Variants in RUFY3 observed in about 807,000 individuals in gnomAD.
RUFY3 encodes protein RUFY3.
A neutral mutation model predicts 84.0 loss-of-function variants in RUFY3; 34 were observed. The observed-to-expected ratio is 0.40, with a 90% confidence interval of 0.31 to 0.54. The LOEUF (loss-of-function observed/expected upper bound fraction) is 0.54. Ranked by LOEUF, RUFY3 falls within the 20% of genes least tolerant of loss-of-function variation. The pLI is 0.39. For missense variants in RUFY3, 507 were observed against 736.8 expected (o/e 0.69, Z 3.61); for synonymous variants, 242 against 252.9 (o/e 0.96, Z 0.41).
chr4:70,765,666 C>CA (rs1012157916), intron 4 of RUFY3, among the ~76,000 whole-genome samples: 12 of 151,938 alleles, frequency 7.9e-5, no homozygotes, highest in Admixed American at 7.9e-4. Context: ...TATCAAAGAA[C>CA]AAAAATAGCA....
chr4:70,784,312 G>A (rs573276171), intron 9 of RUFY3, among the ~76,000 whole-genome samples: 12 of 152,164 alleles, frequency 7.9e-5, no homozygotes, highest in South Asian at 2.1e-4. Context: ...GTGAAACCCC[G>A]TCTCTACTAA....
intron 14 of RUFY3, among the ~76,000 whole-genome samples, chr4:70,799,144 C>CA (rs547398917): frequency 0.039 from 2,468 of 63,850 alleles, 27 homozygotes; most frequent in African/African-American, 0.049. Context: ...GACTCCGTCT[C>CA]AAAAAAAAAA....
At chr4:70,728,576 A>G (rs1454025935) in intron 1 of RUFY3, among the ~76,000 whole-genome samples, 1 of 152,252 alleles carries the variant, frequency 6.6e-6, no homozygotes, top group African/African-American at 2.4e-5. Flanking sequence ...GTTATTTTGC[A>G]TATACTGCCT....
At chr4:70,726,978 C>A (rs1453017394) in intron 1 of RUFY3, among the ~76,000 whole-genome samples, 1 of 146,884 alleles carries the variant, frequency 6.8e-6, no homozygotes, top group Non-Finnish European at 1.5e-5. Context: ...ATTGAAATAA[C>A]CTCTCAGACT....
chr4:70,755,581 T>G (rs1035399285), intron 1 of RUFY3, among the ~76,000 whole-genome samples: 2 of 152,220 alleles, frequency 1.3e-5, no homozygotes, highest in African/African-American at 4.8e-5. Flanking sequence ...TACATGACTC[T>G]GTAAAGTTTA....
rs1195083299 is a variant in RUFY3 at position 70,787,185 on chromosome 4, A to T, written c.1072-1621A>T. ...CTGTCTCAGAAAAAAAAAAAAAAAA[A>T]AAATATATATATATATATATATATA... On this transcript the variant is annotated intron_variant, in intron 10 of 17. Transcript: ENST00000381006. Among the ~76,000 whole-genome samples the T allele has an allele frequency of 8.0e-3, 942 of 118,484 alleles. 3 individuals are homozygous for T. Among genetic ancestry groups the T allele is most frequent in the East Asian group, 0.049 (181 of 3,728 alleles). 77.7% of individuals were successfully genotyped at this position (118,484 alleles called of 152,430 possible).
At chr4:70,717,585 G>A (rs1409473124), upstream of RUFY3, among the ~76,000 whole-genome samples, 1 of 148,406 alleles carries the variant, frequency 6.7e-6, no homozygotes, top group Non-Finnish European at 1.5e-5. Context: ...CTTTGCGTGT[G>A]TGTGTGTGTG....
At chr4:70,767,249 C>T (rs1578142687) in intron 4 of RUFY3, among the ~76,000 whole-genome samples, 1 of 142,920 alleles carries the variant, frequency 7.0e-6, no homozygotes, top group Non-Finnish European at 1.5e-5. Context: ...CCATGCCCGG[C>T]TAATTTTGTA....
chr4:70,722,044 T>A lies in RUFY3; in HGVS notation c.-530T>A. 8.1e-7 allele frequency: 1 copy of A among 1,232,154 alleles called. No individual in the cohort carries two copies. The allele number at this position is 1,232,154 out of a possible 1,614,324, so 76.3% of individuals were successfully genotyped here. ...TATGAGAACTCAGCATCCCAGCTCA[T>A]CTGAGCAGATCCTGGAAGTGATTTC... On this transcript the variant is annotated 5_prime_UTR_variant, in exon 1 of 18. Coordinates refer to ENST00000381006, the MANE Select transcript of RUFY3 (RefSeq NM_001037442.4).
chr4:70,792,887 T>C, intron 12 of RUFY3: 2 of 985,392 alleles, frequency 2.0e-6, no homozygotes, highest in Non-Finnish European at 2.4e-6. Context: ...TAAACAAAGC[T>C]CCTACTGTAT....
chr4:70,792,014 TG>T, intron 12 of RUFY3: 1 of 985,364 alleles, frequency 1.0e-6, no homozygotes, highest in Non-Finnish European at 1.2e-6. Context: ...TGTGGACGCC[TG>T]GGGAAACCCT....
At chr4:70,804,298 C>A in intron 16 of RUFY3, 50 bp from the exon 17 acceptor site, 1 of 1,438,266 alleles carries the variant, frequency 7.0e-7, no homozygotes, top group Non-Finnish European at 9.8e-7. Context: ...TCTGAAAGTA[C>A]TAATATTTCT....
chr4:70,743,830 G>A (rs970837404), intron 1 of RUFY3, among the ~76,000 whole-genome samples: 1 of 152,004 alleles, frequency 6.6e-6, no homozygotes, highest in South Asian at 2.1e-4. Flanking sequence ...AGAGGGAGAT[G>A]GCTTCACTTT....
intron 1 of RUFY3, among the ~76,000 whole-genome samples, chr4:70,736,067 T>TA (rs1239493900): frequency 2.6e-5 from 4 of 151,116 alleles, no homozygotes; most frequent in African/African-American, 9.7e-5. Flanking sequence ...GATGGGAAGA[T>TA]TACTTGAGCT....
rs185874007 is a variant in RUFY3, at chr4:70,753,718, A to G, written c.179-8801A>G. ...GTATCAATCATTTGTGGGATTTTCC[A>G]AACAGAACATGTCATTTCTCTGGTT... On this transcript the variant is annotated intron_variant, in intron 1 of 17. Coordinates refer to ENST00000381006, the MANE Select transcript of RUFY3 (RefSeq NM_001037442.4). 2.2e-4 allele frequency among the ~76,000 whole-genome samples: 34 copies of G among 152,344 alleles called. No individual in the cohort carries two copies. The East Asian group carries it at 5.8e-3, about 26-fold the overall frequency.
At chr4:70,745,231 A>T (rs1019659365) in intron 1 of RUFY3, among the ~76,000 whole-genome samples, 4 of 152,208 alleles carry the variant, frequency 2.6e-5, no homozygotes, top group Non-Finnish European at 2.9e-5. Context: ...AGTGTGAGCC[A>T]CCGCGCCCGG....
At chr4:70,705,062 C>A (rs1206249422) in exon 1 of RUFY3, 31 of 1,284,456 alleles carry the variant, frequency 2.4e-5, no homozygotes, top group African/African-American at 3.1e-5. Context: ...ACCGAGAGGG[C>A]GAGGCGGGGC....
chr4:70,760,286 A>AT (rs1365209519), intron 1 of RUFY3, among the ~76,000 whole-genome samples: 4 of 152,160 alleles, frequency 2.6e-5, no homozygotes, highest in African/African-American at 9.7e-5. Flanking sequence ...TCAATATGAT[A>AT]TTTTTTACTT....
Position 70,754,305 on chromosome 4 carries a change from G to A in RUFY3, c.179-8214G>A, listed in dbSNP as rs577999981. Among the ~76,000 whole-genome samples, 6 of 152,082 alleles carry A rather than the reference G, an allele frequency of 3.9e-5. No homozygotes were observed. The South Asian group carries it at 6.2e-4, about 16-fold the overall frequency. ...TGACCTCAGGTAATCCACCTGCCTC[G>A]GCCTCCCAAAGTGCTGGGATTACAG... On this transcript the variant is annotated intron_variant, in intron 1 of 17. Transcript: ENST00000381006.
Sources: gnomAD v4.1 joint callset for allele counts (sites outside exome capture counted in the v4.1 genomes callset) on GRCh38, gnomAD v4.1.1 for gene constraint, MANE v1.5 for transcripts, NCBI Gene and HGNC (gene_info 2026-07-23, HGNC 2026-07-21) for gene names.